Variants in TIAM1 observed in about 807,000 individuals in gnomAD.
TIAM1 encodes the protein rho guanine nucleotide exchange factor TIAM1.
TIAM1 carries 65 observed loss-of-function variants against 163.5 expected under a neutral mutation model. The observed-to-expected ratio is 0.40, with a 90% CI of 0.33 to 0.49. The LOEUF is 0.49. TIAM1 is among the 20% of genes least tolerant of loss of function. TIAM1 has a pLI of 0.77. For missense variants in TIAM1, 1,789 were observed against 2,044.7 expected, an observed-to-expected ratio of 0.87 and a Z score of 2.41; for synonymous variants, 833 against 810.1, an observed-to-expected ratio of 1.03 and a Z score of -0.48.
intron 2 of TIAM1, among the ~76,000 whole-genome samples, chr21:31,426,220 T>A (rs958067958): frequency 6.6e-6 from 1 of 152,122 alleles, no homozygotes; most frequent in Non-Finnish European, 1.5e-5. Context: ...ATCACTCTTA[T>A]GTCTTTGCAT....
intron 2 of TIAM1, among the ~76,000 whole-genome samples, chr21:31,369,092 G>A (rs916141538): frequency 4.6e-5 from 7 of 152,064 alleles, no homozygotes; most frequent in African/African-American, 1.7e-4. Context: ...CGGCCGTGGT[G>A]GCGGGAGCCT....
intron 1 of TIAM1, among the ~76,000 whole-genome samples, chr21:31,543,953 G>A (rs1341494043): frequency 6.6e-6 from 1 of 152,230 alleles, no homozygotes; most frequent in African/African-American, 2.4e-5. Context: ...GCTCACGCCT[G>A]TAATTCCAGG....
chr21:31,529,360 A>G (rs1310764929), intron 1 of TIAM1, among the ~76,000 whole-genome samples: 2 of 152,300 alleles, frequency 1.3e-5, no homozygotes, highest in East Asian at 3.9e-4. Context: ...AACAATTAGA[A>G]AACAATAACT....
chr21:31,253,202 A>G (rs907084830), intron 4 of TIAM1, among the ~76,000 whole-genome samples: 1 of 152,258 alleles, frequency 6.6e-6, no homozygotes, highest in African/African-American at 2.4e-5. Context: ...AGTCTTATGC[A>G]TAAGAAAGGA....
intron 7 of TIAM1, among the ~76,000 whole-genome samples, chr21:31,224,528 T>C (rs1051263432): frequency 2.0e-5 from 3 of 152,158 alleles, no homozygotes; most frequent in Non-Finnish European, 4.4e-5. Flanking sequence ...ATATCTAGAA[T>C]AGGCAAATCC....
rs1283738541 is a variant in TIAM1 at position 31,182,432 on chromosome 21, G to C, written c.2876C>G (p.Thr959Ser). Residue 959 changes from threonine to serine, a missense_variant, in exon 15 of 28, where the codon ACC (threonine) becomes AGC (serine). Thr to Ser is a moderately conservative substitution (Grantham distance 58). Coordinates refer to ENST00000541036, the MANE Select transcript of TIAM1 (RefSeq NM_001353694.2). ...DLGESPLAFL[T>S]SNPGHSLCSE... ...CTGCACAGCCATACCTGGGTTGCTG[G>C]TGAGAAAGGCGAGGGGGCTCTCGCC... 3 of 1,574,266 alleles carry C rather than the reference G, an allele frequency of 1.9e-6. No individual in the cohort carries two copies. Among genetic ancestry groups the C allele is most frequent in the Non-Finnish European group, 2.6e-6 (3 of 1,161,884 alleles).
chr21:31,400,927 C>T (rs1007280151), intron 2 of TIAM1, among the ~76,000 whole-genome samples: 1 of 152,030 alleles, frequency 6.6e-6, no homozygotes, highest in African/African-American at 2.4e-5. Flanking sequence ...CCCGGCTCTA[C>T]TAAAAATACA....
At chr21:31,270,728 G>T (rs2146834846) in intron 3 of TIAM1, among the ~76,000 whole-genome samples, 1 of 152,144 alleles carries the variant, frequency 6.6e-6, no homozygotes, top group South Asian at 2.1e-4. Flanking sequence ...TGCAATTTTG[G>T]TTTTTTTGGC....
In TIAM1 at chr21:31,440,036, C is replaced by T. The variant is rs924328480; in HGVS notation, c.-369+23947G>A. ...AACCTCTCTGTGTCTCAGTTTCCCT[C>T]GTTTGGTAAAACAGGGAAAAAATAG... On this transcript the variant is annotated intron_variant, in intron 2 of 28. Coordinates refer to the TIAM1 transcript ENST00000286827. 3.3e-5 allele frequency among the ~76,000 whole-genome samples: 5 copies of T among 152,046 alleles called. No homozygotes were observed. In the East Asian group the frequency reaches 5.8e-4, roughly 18 times the overall value.
chr21:31,392,192 T>C (rs1406115243), intron 2 of TIAM1, among the ~76,000 whole-genome samples: 3 of 152,220 alleles, frequency 2.0e-5, no homozygotes, highest in Non-Finnish European at 4.4e-5. Context: ...TCATTGTAAG[T>C]TGATGAGCAT....
At chr21:31,535,882 G>A (rs2048116711) in intron 1 of TIAM1, among the ~76,000 whole-genome samples, 1 of 152,150 alleles carries the variant, frequency 6.6e-6, no homozygotes, top group South Asian at 2.1e-4. Context: ...CCCATCAGGT[G>A]CCAGCAGCCA....
At chr21:31,284,296 T>C (rs550142039) in intron 2 of TIAM1, among the ~76,000 whole-genome samples, 115 of 152,298 alleles carry the variant, frequency 7.6e-4, no homozygotes, top group African/African-American at 2.5e-3. Flanking sequence ...TTAGAAGAGA[T>C]GTCAAAATCA....
chr21:31,258,183 C>G (rs1284493732), intron 4 of TIAM1, among the ~76,000 whole-genome samples: 1 of 152,128 alleles, frequency 6.6e-6, no homozygotes, highest in Non-Finnish European at 1.5e-5. Context: ...ACGAGCTCCA[C>G]GAGCTTGTGG....
chr21:31,225,011 T>C (rs1379730831), intron 7 of TIAM1, among the ~76,000 whole-genome samples: 1 of 151,996 alleles, frequency 6.6e-6, no homozygotes, highest in African/African-American at 2.4e-5. Flanking sequence ...GATAGATATA[T>C]CTCTCTCTAT....
intron 6 of TIAM1, among the ~76,000 whole-genome samples, chr21:31,244,953 G>A (rs1312101352): frequency 6.6e-6 from 1 of 152,130 alleles, no homozygotes; most frequent in Non-Finnish European, 1.5e-5. Context: ...AGTTAGCAGA[G>A]AAGTATTTTT....
intron 2 of TIAM1, among the ~76,000 whole-genome samples, chr21:31,371,323 A>G (rs1275146289): frequency 6.6e-6 from 1 of 152,156 alleles, no homozygotes; most frequent in Admixed American, 6.5e-5. Context: ...CCAGAATGCA[A>G]AGGCAGGAAG....
chr21:31,285,862 CAAAT>C (rs967040541), intron 2 of TIAM1, among the ~76,000 whole-genome samples: 2 of 151,778 alleles, frequency 1.3e-5, no homozygotes, highest in African/African-American at 4.8e-5. Context: ...TCCGTCTCAA[CAAAT>C]AAATTAATTA....
At position 31,256,587 on chromosome 21, in the gene TIAM1, C is replaced by CCACACACACA. The variant is rs1408172660; in HGVS notation, c.964-4399_964-4398insTGTGTGTGTG. ...ACCCCAAAATATTAAGTACCCCTCA[C>CCACACACACA]TACACACACACACACACACACACAC... On this transcript the variant is annotated intron_variant, in intron 4 of 27. Coordinates refer to ENST00000541036, the MANE Select transcript of TIAM1 (RefSeq NM_001353694.2). Among the ~76,000 whole-genome samples, 23 of 19,052 alleles carry CCACACACACA rather than the reference C, an allele frequency of 1.2e-3. No homozygotes were observed. The East Asian group carries it at 0.056, about 46-fold the overall frequency. 12.5% of individuals were successfully genotyped at this position (19,052 alleles called of 152,430 possible).
chr21:31,324,145 C>A (rs1043325141), intron 2 of TIAM1, among the ~76,000 whole-genome samples: 2 of 152,052 alleles, frequency 1.3e-5, no homozygotes, highest in African/African-American at 4.8e-5. Context: ...CCGCTTGACC[C>A]CCTTAAAAAC....
Sources: allele counts gnomAD v4.1 joint callset (sites outside exome capture counted in the v4.1 genomes callset), GRCh38; gene constraint gnomAD v4.1.1; transcripts MANE v1.5; gene names NCBI Gene and HGNC (gene_info 2026-07-23, HGNC 2026-07-21).